Variants in CSMD1 observed in about 807,000 individuals in gnomAD.
CSMD1 encodes the protein CUB and Sushi multiple domains 1.
CSMD1 carries 213 observed loss-of-function variants against 417.5 expected under a neutral mutation model. The observed-to-expected ratio is 0.51, with a 90% CI of 0.46 to 0.57. CSMD1 has a LOEUF of 0.57. Among genes scored for constraint, CSMD1 ranks in the 20% least tolerant of loss-of-function variants. The pLI, the probability that CSMD1 is intolerant of heterozygous loss-of-function variation, is 0.00. For synonymous variants in CSMD1, 2,862 were observed against 1,736.8 expected, an observed-to-expected ratio of 1.65 and a Z score of -16.11; for missense variants, 6,923 against 4,529.7, an observed-to-expected ratio of 1.53 and a Z score of -15.17.
chr8:4,906,652 G>T (rs1463622818), intron 1 of CSMD1, among the ~76,000 whole-genome samples: 1 of 152,104 alleles, frequency 6.6e-6, no homozygotes, highest in Non-Finnish European at 1.5e-5. Context: ...CAACTCCGGG[G>T]TTCAAGCAAT....
intron 37 of CSMD1, among the ~76,000 whole-genome samples, chr8:3,165,543 T>G (rs1055562268): frequency 4.6e-5 from 7 of 152,112 alleles, no homozygotes; most frequent in Non-Finnish European, 7.4e-5. Context: ...GCCATTCTCC[T>G]GCCTCAGCCT....
chr8:4,428,004 T>A lies in CSMD1; in HGVS notation c.303-7939A>T, dbSNP rs371992793. Among the ~76,000 whole-genome samples the A allele has an allele frequency of 3.1e-4, 47 of 152,292 alleles. No individual in the cohort carries two copies. The East Asian group carries it at 7.7e-3, about 25-fold the overall frequency. On this transcript the variant is annotated intron_variant, in intron 2 of 69. Transcript: ENST00000635120. ...CCTCATTGGCCCAGTAGTAAAGATA[T>A]TCCAAGTAGCTACTGTACTTGAAGC...
intron 3 of CSMD1, among the ~76,000 whole-genome samples, chr8:4,328,524 A>C (rs953204922): frequency 6.6e-6 from 1 of 152,160 alleles, no homozygotes; most frequent in Non-Finnish European, 1.5e-5. Context: ...GTAATAAAGC[A>C]TCTCCTGTAC....
At chr8:4,696,594 G>C (rs145536757) in intron 1 of CSMD1, among the ~76,000 whole-genome samples, 132 of 152,040 alleles carry the variant, frequency 8.7e-4, no homozygotes, top group Non-Finnish European at 1.5e-3. Context: ...AATTTCCCCC[G>C]TATTACCCAG....
At chr8:4,182,467 T>G (rs2656296) in intron 3 of CSMD1, among the ~76,000 whole-genome samples, 3 of 152,128 alleles carry the variant, frequency 2.0e-5, no homozygotes, top group Non-Finnish European at 4.4e-5. Flanking sequence ...TAAAACATTG[T>G]TTTAATAATC....
In CSMD1 at chr8:4,757,085, G is replaced by C. The variant is rs1227137335; in HGVS notation, c.86-119527C>G. ...CTGAAACAGAAATGGCAAGAAACAG[G>C]ATAAGTAGGACAAAGAACAAACACA... On this transcript the variant is annotated intron_variant, in intron 1 of 69. Transcript: ENST00000635120. Among the ~76,000 whole-genome samples the C allele has an allele frequency of 2.6e-5, 4 of 152,186 alleles. 1 individual carries two copies. The highest frequency in any genetic ancestry group is 5.9e-5 in the Non-Finnish European group (4 of 68,016).
chr8:3,887,391 C>T (rs1306522651), intron 5 of CSMD1, among the ~76,000 whole-genome samples: 1 of 152,156 alleles, frequency 6.6e-6, no homozygotes, highest in Admixed American at 6.5e-5. Context: ...TATCCAAGAA[C>T]AAGTTACCTT....
chr8:4,229,116 C>G (rs954289957), intron 3 of CSMD1, among the ~76,000 whole-genome samples: 2 of 152,240 alleles, frequency 1.3e-5, no homozygotes, highest in Non-Finnish European at 1.5e-5. Flanking sequence ...TCCACACAGT[C>G]TTCCCAGCTT....
chr8:4,220,236 C>T (rs908113597), intron 3 of CSMD1, among the ~76,000 whole-genome samples: 1 of 152,176 alleles, frequency 6.6e-6, no homozygotes, highest in Non-Finnish European at 1.5e-5. Context: ...GAGGCGTGAG[C>T]CACCATGCCC....
intron 7 of CSMD1, among the ~76,000 whole-genome samples, chr8:3,636,420 C>T (rs12549992): frequency 0.46 from 69,154 of 151,914 alleles, 15,869 homozygotes; most frequent in Middle Eastern, 0.63. Flanking sequence ...TCAGGTGATC[C>T]GCCCGCCTCA....
chr8:4,219,140 C>T (rs1800866826), intron 3 of CSMD1, among the ~76,000 whole-genome samples: 1 of 152,164 alleles, frequency 6.6e-6, no homozygotes. Flanking sequence ...CATCTGTGCC[C>T]TTTTTGTAGC....
chr8:3,443,795 T>G (rs1815139237), intron 12 of CSMD1, among the ~76,000 whole-genome samples: 1 of 152,220 alleles, frequency 6.6e-6, no homozygotes, highest in African/African-American at 2.4e-5. Flanking sequence ...ACATGAAGTG[T>G]AAACATGAAT....
At chr8:4,072,467 G>A (rs190379810) in intron 3 of CSMD1, among the ~76,000 whole-genome samples, 13 of 151,986 alleles carry the variant, frequency 8.6e-5, no homozygotes, top group East Asian at 3.9e-4. Context: ...TTATTATTTC[G>A]CACTTGTAGT....
At chr8:3,982,184 T>TAAC (rs1563281287) in intron 5 of CSMD1, among the ~76,000 whole-genome samples, 1 of 128,880 alleles carries the variant, frequency 7.8e-6, no homozygotes, top group Non-Finnish European at 1.7e-5. Context: ...ATAATAATAA[T>TAAC]AATAATATTA....
intron 3 of CSMD1, among the ~76,000 whole-genome samples, chr8:4,332,507 T>G (rs1403596334): frequency 1.3e-5 from 2 of 150,750 alleles, no homozygotes; most frequent in African/African-American, 4.9e-5. Flanking sequence ...TTCTTCTGGT[T>G]TTTGCTTTTT....
Position 3,603,016 on chromosome 8 carries a change from T to C in CSMD1, c.1097+13694A>G, listed in dbSNP as rs981254035. Among the ~76,000 whole-genome samples, 6 of 152,300 alleles carry C rather than the reference T, an allele frequency of 3.9e-5. No individual in the cohort carries two copies. The East Asian group carries it at 1.2e-3, about 29-fold the overall frequency. ...ACTGTGTAAGAGAGAGGGAGGATAT[T>C]CCACCAGCCCTATTTGGTGAATTGC... On this transcript the variant is annotated intron_variant, in intron 8 of 69. Transcript: ENST00000635120.
At chr8:3,672,752 A>G (rs1050004199) in intron 7 of CSMD1, among the ~76,000 whole-genome samples, 18 of 152,270 alleles carry the variant, frequency 1.2e-4, no homozygotes, top group South Asian at 2.1e-4. Context: ...AACCAGGCAA[A>G]TGGAAGAAGG....
rs145112219 is a variant in CSMD1, at chr8:3,394,895, T to C, written c.2593+1299A>G. On this transcript the variant is annotated intron_variant, in intron 17 of 69. Transcript: ENST00000635120. The stretch of plus-strand genomic sequence containing the variant: ...AAATTTGAAATTTGTCATTAAGTCA[T>C]TGATAAGCAATTTTCCTGATATTGG... Among the ~76,000 whole-genome samples, 943 of 152,334 alleles carry C rather than the reference T, an allele frequency of 6.2e-3. 9 individuals are homozygous for C. Among genetic ancestry groups the C allele is most frequent in the South Asian group, 0.028 (137 of 4,830 alleles).
chr8:3,406,912 A>T (rs562620271), intron 14 of CSMD1, among the ~76,000 whole-genome samples: 1 of 152,210 alleles, frequency 6.6e-6, no homozygotes, highest in Non-Finnish European at 1.5e-5. Flanking sequence ...CTGTATTTTA[A>T]TCCTTGGCTC....
Sources: gnomAD v4.1 joint callset for allele counts (sites outside exome capture counted in the v4.1 genomes callset) on GRCh38, gnomAD v4.1.1 for gene constraint, MANE v1.5 for transcripts, NCBI Gene and HGNC (gene_info 2026-07-23, HGNC 2026-07-21) for gene names.